GYG1: variants seen among roughly 807,000 people sequenced by gnomAD.
GYG1 encodes glycogenin 1.
Under a neutral mutation model 41.9 loss-of-function variants are expected in GYG1, and 44 were observed. The observed-to-expected ratio is 1.05, with a 90% confidence interval of 0.83 to 1.35. The LOEUF (loss-of-function observed/expected upper bound fraction) is 1.35. GYG1 is among the 40% of genes most tolerant of loss of function. The pLI is 0.00. For synonymous variants in GYG1, 141 were observed against 158.1 expected, an observed-to-expected ratio of 0.89 and a Z score of 0.81; for missense variants, 429 against 418.9, an observed-to-expected ratio of 1.02 and a Z score of -0.21.
intron 5 of GYG1, among the ~76,000 whole-genome samples, chr3:149,022,243 G>A (rs11713360): frequency 0.31 from 47,106 of 151,940 alleles, 7,235 homozygotes; most frequent in East Asian, 0.33. Context: ...ACAGGACTAC[G>A]CTTTACTCCT....
In GYG1 at chr3:148,994,226, C is replaced by A. The variant is rs1455877117; in HGVS notation, c.92C>A (p.Thr31Asn). The A allele has an allele frequency of 6.2e-7, 1 of 1,613,922 alleles. No individual in the cohort carries two copies. The highest frequency in any genetic ancestry group is 8.5e-7 in the Non-Finnish European group (1 of 1,179,878). Residue 31 changes from threonine to asparagine, a missense_variant, in exon 2 of 8, where the codon ACC becomes AAC. Thr to Asn is a moderately conservative substitution (Grantham distance 65). Coordinates refer to ENST00000345003, the MANE Select transcript of GYG1 (RefSeq NM_004130.4). Reference sequence around the variant, plus strand: ...GGATCATCTCTGAAACAGCACAGGACCACCAGGAGGCTGGTCGTGCTCGCC... The same window carrying A: ...GGATCATCTCTGAAACAGCACAGGAACACCAGGAGGCTGGTCGTGCTCGCC... ...VLGSSLKQHR[T>N]TRRLVVLATP...
intron 4 of GYG1, among the ~76,000 whole-genome samples, chr3:148,999,832 C>G (rs910787758): frequency 1.3e-5 from 2 of 152,208 alleles, no homozygotes; most frequent in African/African-American, 4.8e-5. Context: ...CATTTTCTCA[C>G]AACCATAGTT....
Position 148,996,476 on chromosome 3 carries a change from G to A in GYG1, c.318G>A (p.Leu106=). ...SKCVFMDADT[L]VLANIDDLFD... Reference sequence around the variant, plus strand: ...GTGTATTCATGGATGCAGATACTCTGGTGAGTGTGGCTTTGAGGGTAGAAA... The same window carrying A: ...GTGTATTCATGGATGCAGATACTCTAGTGAGTGTGGCTTTGAGGGTAGAAA... The change falls in exon 3 of 8, where the codon CTG becomes CTA. Residue 106 remains leucine (L), a splice_region_variant and synonymous_variant. Transcript: ENST00000345003. 1 of 1,612,302 alleles carries A rather than the reference G, an allele frequency of 6.2e-7. No individual in the cohort carries two copies. The highest frequency in any genetic ancestry group is 8.5e-7 in the Non-Finnish European group (1 of 1,178,576).
intron 1 of GYG1, 37 bp downstream of exon 1, chr3:148,991,684 C>T: frequency 1.4e-6 from 2 of 1,477,334 alleles, no homozygotes; most frequent in Non-Finnish European, 1.8e-6. Flanking sequence ...AGCCCCGGGA[C>T]CCCGGCTTCC....
intron 2 of GYG1, among the ~76,000 whole-genome samples, chr3:148,994,781 C>T (rs1260749231): frequency 2.0e-5 from 3 of 152,182 alleles, no homozygotes; most frequent in African/African-American, 7.2e-5. Context: ...ACACTAGAAT[C>T]TTTACCAAAG....
At chr3:149,026,554 C>T (rs552326129) in intron 7 of GYG1, 52 bp downstream of exon 7, 116 of 1,181,606 alleles carry the variant, frequency 9.8e-5, no homozygotes, top group Non-Finnish European at 1.4e-4. Flanking sequence ...CCAATGTTTT[C>T]ACTGAGTCAA....
At chr3:149,005,509 A>G (rs574924601) in intron 4 of GYG1, among the ~76,000 whole-genome samples, 1 of 152,384 alleles carries the variant, frequency 6.6e-6, no homozygotes, top group Admixed American at 6.5e-5. Context: ...ATCATATTCC[A>G]TGAGTAGTTA....
intron 4 of GYG1, among the ~76,000 whole-genome samples, chr3:149,008,724 G>T (rs1434190178): frequency 6.6e-6 from 1 of 152,164 alleles, no homozygotes; most frequent in African/African-American, 2.4e-5. Context: ...ATATCTCTTT[G>T]TGCACTGTTG....
At chr3:149,011,162 A>G (rs1713700789) in intron 5 of GYG1, among the ~76,000 whole-genome samples, 2 of 152,228 alleles carry the variant, frequency 1.3e-5, no homozygotes, top group South Asian at 4.1e-4. Context: ...AGCAGACAAC[A>G]GGATTCACTG....
chr3:149,031,701 T>C lies in GYG1; in HGVS notation c.*4768T>C, dbSNP rs1160757536. 1 of 152,236 alleles carries C rather than the reference T, an allele frequency of 6.6e-6. No individual in the cohort carries two copies. The highest frequency in any genetic ancestry group is 6.5e-5 in the Admixed American group (1 of 15,290). The allele number at this position is 152,236 out of a possible 1,614,324, so 9.4% of individuals were successfully genotyped here. A position where few individuals can be genotyped will look rare whatever the true frequency, so the allele number is the denominator to read the frequency against. ...AATAAAAACCTGTGCTAACCTGGAC[T>C]TTGGTCTCATTTAAGATTTGGTTCT... On this transcript the variant is annotated 3_prime_UTR_variant, in exon 8 of 8. Transcript: ENST00000345003.
rs768834390 is a variant in GYG1 at position 149,026,467 on chromosome 3, T to TG, written c.844_845insG (p.Tyr282Ter). The TG allele has an allele frequency of 5.0e-6, 8 of 1,605,314 alleles. No individual in the cohort carries two copies. Among genetic ancestry groups the TG allele is most frequent in the Non-Finnish European group, 6.8e-6 (8 of 1,172,086 alleles). The change falls in exon 7 of 8, where the codon TAT (tyrosine) becomes TGAT (stop). Residue 282 changes from tyrosine to a stop codon, truncating the protein, a stop_gained and frameshift_variant. Coordinates refer to ENST00000345003, the MANE Select transcript of GYG1 (RefSeq NM_004130.4). LOFTEE classifies it high-confidence loss of function. ...CTGTTTGCAGCTTTCAGACTTGGTCTATACACTGGCTTTCTCTTGTGGCTT... is the reference window on the plus strand; with the variant it reads ...CTGTTTGCAGCTTTCAGACTTGGTCTGATACACTGGCTTTCTCTTGTGGCTT... ...SYVNVLSDLV[Y>*]TLAFSCGFCR...
Position 149,024,116 on chromosome 3 carries a change from T to C in GYG1, c.672T>C (p.Tyr224=), listed in dbSNP as rs745411888. ...LGRVKPWNYT[Y]DPKTKSVKSE... ...GAGTCAAACCATGGAATTATACTTA[T>C]GATCCCAAAACAAAAAGTGTCAAAA... The change falls in exon 6 of 8, where the codon TAT becomes TAC. Residue 224 remains tyrosine (Y), a synonymous_variant. Transcript: ENST00000345003. The C allele has an allele frequency of 5.6e-6, 9 of 1,614,068 alleles. No homozygotes were observed. The highest frequency in any genetic ancestry group is 4.0e-5 in the African/African-American group (3 of 74,940).
intron 5 of GYG1, among the ~76,000 whole-genome samples, chr3:149,014,758 C>T (rs1713924770): frequency 6.6e-6 from 1 of 151,660 alleles, no homozygotes; most frequent in Non-Finnish European, 1.5e-5. Context: ...ATCCCAGCTA[C>T]TCAGAAGGCT....
intron 5 of GYG1, among the ~76,000 whole-genome samples, chr3:149,016,343 A>G (rs1471997879): frequency 6.6e-6 from 1 of 151,250 alleles, no homozygotes; most frequent in African/African-American, 2.4e-5. Context: ...GGCAAAGTGT[A>G]TGGGCACAGA....
chr3:149,009,364 C>T lies in GYG1; in HGVS notation c.570C>T (p.Ser190=), dbSNP rs1713589980. ...RKHLPFIYNL[S]SISIYSYLPA... ...ACCTGCCGTTTATTTATAACCTAAGCAGCATCTCTATATACTCCTACCTCC... is the reference window on the plus strand; with the variant it reads ...ACCTGCCGTTTATTTATAACCTAAGTAGCATCTCTATATACTCCTACCTCC... Residue 190 remains serine (S), a synonymous_variant, in exon 5 of 8, where the codon AGC becomes AGT. Coordinates refer to ENST00000345003, the MANE Select transcript of GYG1 (RefSeq NM_004130.4). 9 of 1,612,392 alleles carry T rather than the reference C, an allele frequency of 5.6e-6. No individual in the cohort carries two copies. The highest frequency in any genetic ancestry group is 7.6e-6 in the Non-Finnish European group (9 of 1,178,410).
chr3:148,994,328 C>G (rs759671073), intron 2 of GYG1, 51 bp downstream of exon 2: 5 of 1,594,226 alleles, frequency 3.1e-6, no homozygotes, highest in South Asian at 2.2e-5. Context: ...ACATCCTTCT[C>G]CCTGTTGCTG....
chr3:149,006,585 C>T (rs1244742975), intron 4 of GYG1, among the ~76,000 whole-genome samples: 1 of 152,130 alleles, frequency 6.6e-6, no homozygotes, highest in Non-Finnish European at 1.5e-5. Flanking sequence ...CTAGTTTGTT[C>T]CGTCTTATAG....
At chr3:149,002,686 G>A (rs1474862161) in intron 4 of GYG1, among the ~76,000 whole-genome samples, 1 of 152,140 alleles carries the variant, frequency 6.6e-6, no homozygotes, top group African/African-American at 2.4e-5. Flanking sequence ...ACTATAGGCA[G>A]TAATGATTAT....
rs1348021708 is a variant in GYG1 at position 149,031,053 on chromosome 3, C to T, written c.*4120C>T. 1 of 152,068 alleles carries T rather than the reference C, an allele frequency of 6.6e-6. No homozygotes were observed. Among genetic ancestry groups the T allele is most frequent in the Non-Finnish European group, 1.5e-5 (1 of 68,004 alleles). 9.4% of individuals were successfully genotyped at this position (152,068 alleles called of 1,614,324 possible). On this transcript the variant is annotated 3_prime_UTR_variant, in exon 8 of 8. Transcript: ENST00000345003. ...ATTAAAGTTTCCCTTTGAAATAAAA[C>T]CACCTACCTAATCTGACTGCTAAAT...
Sources: allele counts gnomAD v4.1 joint callset (sites outside exome capture counted in the v4.1 genomes callset), GRCh38; gene constraint gnomAD v4.1.1; transcripts MANE v1.5; gene names NCBI Gene and HGNC (gene_info 2026-07-23, HGNC 2026-07-21).